GABRB3: variants seen among roughly 807,000 people sequenced by gnomAD.
GABRB3 encodes the protein gamma-aminobutyric acid receptor subunit beta-3.
Under a neutral mutation model 52.1 loss-of-function variants are expected in GABRB3, and 14 were observed. The ratio of observed to expected loss-of-function variants is 0.27; its 90% CI spans 0.18 to 0.42. GABRB3 has a LOEUF of 0.42. GABRB3 is among the 10% of genes least tolerant of loss of function. The pLI is 1.00. For missense variants in GABRB3, 307 were observed against 609.1 expected (o/e 0.50, Z 5.22); for synonymous variants, 260 against 232.3 (o/e 1.12, Z -1.08).
At chr15:26,601,482 AAAGG>A (rs1244621204) in intron 4 of GABRB3, among the ~76,000 whole-genome samples, 4 of 152,178 alleles carry the variant, frequency 2.6e-5, no homozygotes, top group Non-Finnish European at 4.4e-5. Context: ...GGACAACAAA[AAAGG>A]AAGAAAGAAA....
Position 26,699,503 on chromosome 15 carries a change from A to T in GABRB3, c.240+72899T>A, listed in dbSNP as rs141815522. Among the ~76,000 whole-genome samples the T allele has an allele frequency of 5.9e-3, 904 of 151,988 alleles. 3 individuals are homozygous for T. The highest frequency in any genetic ancestry group is 0.021 in the African/African-American group (857 of 41,394). ...ACATCGGTGAATCAAAAAAAAAAAA[A>T]CTCAAAACTTTTTTAAATGTCAGAA... On this transcript the variant is annotated intron_variant, in intron 3 of 8. Transcript: ENST00000311550.
chr15:26,570,582 G>A (rs971372714), intron 6 of GABRB3, among the ~76,000 whole-genome samples: 1 of 152,138 alleles, frequency 6.6e-6, no homozygotes, highest in African/African-American at 2.4e-5. Context: ...ATTAACTTCA[G>A]TTTTATTTTC....
intron 3 of GABRB3, among the ~76,000 whole-genome samples, chr15:26,717,490 C>T (rs1242693057): frequency 1.3e-5 from 2 of 152,232 alleles, no homozygotes; most frequent in Non-Finnish European, 2.9e-5. Context: ...TTACCCATCA[C>T]CAAAACAGTA....
intron 3 of GABRB3, among the ~76,000 whole-genome samples, chr15:26,645,584 G>A (rs1018890872): frequency 6.6e-6 from 1 of 152,166 alleles, no homozygotes; most frequent in African/African-American, 2.4e-5. Context: ...AAAGCTGGAA[G>A]TTGAAATGGT....
intron 3 of GABRB3, among the ~76,000 whole-genome samples, chr15:26,738,054 T>A (rs954596476): frequency 6.6e-6 from 1 of 151,940 alleles, no homozygotes; most frequent in Admixed American, 6.6e-5. Context: ...CTTCGGCTTA[T>A]GTTTTGTTTT....
chr15:26,714,668 A>G (rs947681146), intron 3 of GABRB3, among the ~76,000 whole-genome samples: 10 of 152,180 alleles, frequency 6.6e-5, no homozygotes, highest in African/African-American at 9.7e-5. Context: ...GGCGACTTTG[A>G]ATAGAATGGG....
chr15:26,584,900 G>A (rs1324298787), intron 4 of GABRB3, among the ~76,000 whole-genome samples: 3 of 152,190 alleles, frequency 2.0e-5, no homozygotes, highest in African/African-American at 7.2e-5. Flanking sequence ...GACATGGCCT[G>A]AGTTGAAAGG....
intron 3 of GABRB3, among the ~76,000 whole-genome samples, chr15:26,689,532 A>G (rs1006768989): frequency 2.6e-5 from 4 of 152,140 alleles, no homozygotes; most frequent in Non-Finnish European, 5.9e-5. Context: ...ATTACACTTC[A>G]TGCCTCATTA....
At position 26,772,967 on chromosome 15, in the gene GABRB3, C is replaced by A. The variant is rs1330527830; in HGVS notation, c.-5G>T. On this transcript the variant is annotated 5_prime_UTR_variant, in exon 1 of 9. Coordinates refer to ENST00000311550, the MANE Select transcript of GABRB3 (RefSeq NM_000814.6). ...TCCTCCCGCAAGGCCCCACATCCCT[C>A]CGCCGCGCCCCGGCACGGGGGAGGG... is the stretch of plus-strand genomic sequence containing the variant. 6 of 1,417,186 alleles carry A rather than the reference C, an allele frequency of 4.2e-6. No homozygotes were observed. Among genetic ancestry groups the A allele is most frequent in the Non-Finnish European group, 3.7e-6 (4 of 1,077,806 alleles). 87.8% of individuals were successfully genotyped at this position (1,417,186 alleles called of 1,614,324 possible).
chr15:26,643,775 C>T (rs1013446221), intron 3 of GABRB3, among the ~76,000 whole-genome samples: 1 of 152,094 alleles, frequency 6.6e-6, no homozygotes, highest in African/African-American at 2.4e-5. Context: ...TACTGGTGAC[C>T]CACCACCTGC....
chr15:26,754,767 A>C (rs1365507043), intron 3 of GABRB3, among the ~76,000 whole-genome samples: 2 of 152,154 alleles, frequency 1.3e-5, no homozygotes, highest in Non-Finnish European at 2.9e-5. Context: ...AACGACACAA[A>C]GGAGGACCCC....
At chr15:26,769,005 T>C (rs1196025278) in intron 3 of GABRB3, among the ~76,000 whole-genome samples, 3 of 152,198 alleles carry the variant, frequency 2.0e-5, no homozygotes, top group East Asian at 3.8e-4. Context: ...GATCTATATA[T>C]GTGTTTATTT....
At position 26,621,547 on chromosome 15, in the gene GABRB3, GA is replaced by G; in HGVS notation, c.241-14del. On this transcript the variant is annotated splice_polypyrimidine_tract_variant and intron_variant, in intron 3 of 8. Coordinates refer to ENST00000311550, the MANE Select transcript of GABRB3 (RefSeq NM_000814.6). The surrounding 1 kb of genome is among the most constrained non-coding windows in gnomAD (Gnocchi z 4.1). ...TTAAGGTATAATCCTGGGGGGAAAA[GA>G]AAAGAAAGAAAGTTAGTTTGTACCC... 1 of 1,599,668 alleles carries G rather than the reference GA, an allele frequency of 6.3e-7. No individual in the cohort carries two copies. Among genetic ancestry groups the G allele is most frequent in the Non-Finnish European group, 8.6e-7 (1 of 1,167,658 alleles).
chr15:26,652,637 T>C (rs1170670021), intron 3 of GABRB3, among the ~76,000 whole-genome samples: 2 of 152,100 alleles, frequency 1.3e-5, no homozygotes, highest in African/African-American at 2.4e-5. Context: ...TTCCTGGAAA[T>C]AGTCAACAGC....
At chr15:26,761,094 A>G (rs1276752384) in intron 3 of GABRB3, among the ~76,000 whole-genome samples, 1 of 152,162 alleles carries the variant, frequency 6.6e-6, no homozygotes, top group African/African-American at 2.4e-5. Context: ...TACACTCTTC[A>G]TAGAATTATA....
chr15:26,624,432 G>C, intron 3 of GABRB3: 1 of 985,450 alleles, frequency 1.0e-6, no homozygotes, highest in Non-Finnish European at 1.2e-6. Flanking sequence ...AGTCCCTCCG[G>C]ATGGGCTCGC....
intron 3 of GABRB3, among the ~76,000 whole-genome samples, chr15:26,768,474 T>C (rs1401572164): frequency 1.3e-5 from 2 of 152,200 alleles, no homozygotes; most frequent in Non-Finnish European, 2.9e-5. Context: ...TAAAAATCCC[T>C]AATTGTTTTG....
intron 3 of GABRB3, among the ~76,000 whole-genome samples, chr15:26,765,198 G>C (rs886140473): frequency 6.6e-6 from 1 of 151,004 alleles, no homozygotes; most frequent in African/African-American, 2.4e-5. Context: ...ACTTTCTAAG[G>C]AGACACAAAA....
intron 4 of GABRB3, among the ~76,000 whole-genome samples, chr15:26,596,744 G>A (rs563257961): frequency 6.6e-6 from 1 of 152,136 alleles, no homozygotes; most frequent in Admixed American, 6.5e-5. Context: ...TTAAAAGACT[G>A]TATATGGTAT....
Sources: gnomAD v4.1 joint callset for allele counts (sites outside exome capture counted in the v4.1 genomes callset) on GRCh38, gnomAD v4.1.1 for gene constraint, Gnocchi (gnomAD v3.1) non-coding constraint, MANE v1.5 for transcripts, NCBI Gene and HGNC (gene_info 2026-07-23, HGNC 2026-07-21) for gene names.